Variants in ZNF10 observed in about 807,000 individuals in gnomAD.
The protein encoded by ZNF10 is zinc finger protein 10 (KOX 1).
ZNF10 carries 8 observed loss-of-function variants against 12.2 expected under a neutral mutation model. That is an observed-to-expected ratio of 0.66 (90% CI 0.39 to 1.18). The LOEUF (loss-of-function observed/expected upper bound fraction) is 1.18, where lower values mean the gene tolerates loss of function less well. Among genes scored for constraint, ZNF10 ranks in the 50% most tolerant of loss-of-function variants. The probability of loss-of-function intolerance (pLI) is 0.01; values close to 1 mark genes in which losing one functional copy is unlikely to be tolerated. For synonymous variants in ZNF10, 229 were observed against 228.2 expected, an observed-to-expected ratio of 1.00 and a Z score of -0.03; for missense variants, 603 against 678.9, an observed-to-expected ratio of 0.89 and a Z score of 1.24.
In ZNF10 at chr12:133,156,290, G is replaced by A; in HGVS notation, c.1044G>A (p.Leu348=). 1.2e-6 allele frequency: 2 copies of A among 1,614,040 alleles called. No homozygotes were observed. The highest frequency in any genetic ancestry group is 1.7e-6 in the Non-Finnish European group (2 of 1,179,986). Residue 348 remains leucine, a synonymous_variant, in exon 5 of 5, where the codon CTG becomes CTA. Transcript: ENST00000248211. ...AGAGAACTCATACAGGAGACAAACT[G>A]TACACATGTAATCAGTGTGGGAAAT... ...THQRTHTGDK[L]YTCNQCGKSF...
chr12:133,137,248 C>T (rs973021842), intron 1 of ZNF10, among the ~76,000 whole-genome samples: 1 of 152,130 alleles, frequency 6.6e-6, no homozygotes, highest in African/African-American at 2.4e-5. Flanking sequence ...ATTATATCTT[C>T]CTCTAGTCCA....
intron 1 of ZNF10, among the ~76,000 whole-genome samples, chr12:133,142,428 A>AAAAAAGG (rs780984486): frequency 6.7e-6 from 1 of 150,348 alleles, no homozygotes. Context: ...AAAAAAAAAA[A>AAAAAAGG]GTGGGAGAAA....
intron 1 of ZNF10, among the ~76,000 whole-genome samples, chr12:133,134,222 A>C (rs1223378831): frequency 6.6e-6 from 1 of 151,496 alleles, no homozygotes; most frequent in Non-Finnish European, 1.5e-5. Flanking sequence ...CTGTGGCAGG[A>C]GAATCACTTG....
intron 4 of ZNF10, among the ~76,000 whole-genome samples, chr12:133,154,424 G>C (rs1956027068): frequency 6.6e-6 from 1 of 152,150 alleles, no homozygotes; most frequent in Admixed American, 6.5e-5. Flanking sequence ...TCAAAAAAAT[G>C]AGAAGAATGA....
chr12:133,151,513 G>A (rs959506373), intron 3 of ZNF10, among the ~76,000 whole-genome samples: 4 of 152,032 alleles, frequency 2.6e-5, no homozygotes, highest in East Asian at 1.9e-4. Context: ...GCGTGGTGGC[G>A]TGCTCCTATA....
intron 1 of ZNF10, among the ~76,000 whole-genome samples, chr12:133,133,417 G>T (rs148037645): frequency 2.4e-4 from 36 of 152,316 alleles, no homozygotes; most frequent in African/African-American, 7.5e-4. Context: ...GAATGAATAT[G>T]AAGTGCTAAG....
Position 133,156,772 on chromosome 12 carries a change from G to A in ZNF10, c.1526G>A (p.Arg509Lys). 4 of 1,591,310 alleles carry A rather than the reference G, an allele frequency of 2.5e-6. No individual in the cohort carries two copies. The highest frequency in any genetic ancestry group is 3.4e-6 in the Non-Finnish European group (4 of 1,170,650). The change falls in exon 5 of 5, where the codon AGA becomes AAA. Residue 509 changes from arginine to lysine, a missense_variant. By Grantham distance (26) the Arg-to-Lys change is conservative (BLOSUM62 2). Transcript: ENST00000248211. The part of the protein sequence containing the change: ...IRKNDLIKHQ[R>K]IHVGEETYKC... ...AAGAATGACCTCATTAAGCACCAGAGAATTCATGTTGGAGAAGAGACCTAT... is the reference window on the plus strand; with the variant it reads ...AAGAATGACCTCATTAAGCACCAGAAAATTCATGTTGGAGAAGAGACCTAT...
At position 133,157,420 on chromosome 12, in the gene ZNF10, G is replaced by C. The variant is rs943756204; in HGVS notation, c.*452G>C. 10 of 152,664 alleles carry C rather than the reference G, an allele frequency of 6.6e-5. No homozygotes were observed. The highest frequency in any genetic ancestry group is 2.4e-4 in the African/African-American group (10 of 41,414). The allele number at this position is 152,664 out of a possible 1,614,324, so 9.5% of individuals were successfully genotyped here. ...TTTCTTGACTATGTCTCTCTTCTGG[G>C]ACATTTAGTAGTGTTTGGTATGTTT... On this transcript the variant is annotated 3_prime_UTR_variant, in exon 5 of 5. Coordinates refer to ENST00000248211, the MANE Select transcript of ZNF10 (RefSeq NM_015394.5).
At chr12:133,133,857 A>G (rs1248736292) in intron 1 of ZNF10, among the ~76,000 whole-genome samples, 1 of 152,210 alleles carries the variant, frequency 6.6e-6, no homozygotes, top group Non-Finnish European at 1.5e-5. Flanking sequence ...ATGGCTCCCC[A>G]GAGATATCCC....
rs1956034242 is a variant in ZNF10 at position 133,155,577 on chromosome 12, A to T, written c.331A>T (p.Ile111Phe). ...TTTTAAAGATAAGCAATCCTGTGACATTAAAATGGAAGGAATGGCAAGGAA... is the reference window on the plus strand; with the variant it reads ...TTTTAAAGATAAGCAATCCTGTGACTTTAAAATGGAAGGAATGGCAAGGAA... ...SIFKDKQSCD[I>F]KMEGMARNDL... Residue 111 changes from isoleucine to phenylalanine, a missense_variant, in exon 5 of 5, where the codon ATT (isoleucine) becomes TTT (phenylalanine). By Grantham distance (21) the Ile-to-Phe change is conservative. Around this residue, in one of 3 missense-constraint regions of ZNF10, gnomAD observed 393 missense variants for 399.7 expected, o/e 0.98. Coordinates refer to ENST00000248211, the MANE Select transcript of ZNF10 (RefSeq NM_015394.5). 6.2e-7 allele frequency: 1 copy of T among 1,612,922 alleles called. No homozygotes were observed. Among genetic ancestry groups the T allele is most frequent in the South Asian group, 1.1e-5 (1 of 90,624 alleles).
chr12:133,151,472 C>T (rs540552082), intron 3 of ZNF10, among the ~76,000 whole-genome samples: 2 of 152,020 alleles, frequency 1.3e-5, no homozygotes, highest in Admixed American at 6.6e-5. Context: ...GGTGAAACCC[C>T]GTCTCTACTA....
intron 4 of ZNF10, among the ~76,000 whole-genome samples, chr12:133,153,205 T>G (rs1360291376): frequency 6.6e-6 from 1 of 152,152 alleles, no homozygotes; most frequent in Non-Finnish European, 1.5e-5. Context: ...TCAGACTTCA[T>G]GGGCTTAAAG....
rs936357526 is a variant in ZNF10 at position 133,157,971 on chromosome 12, CAG to C, written c.*1006_*1007del. 4 of 152,182 alleles carry C rather than the reference CAG, an allele frequency of 2.6e-5. No individual in the cohort carries two copies. Among genetic ancestry groups the C allele is most frequent in the African/African-American group, 9.6e-5 (4 of 41,452 alleles). 9.4% of individuals were successfully genotyped at this position (152,182 alleles called of 1,614,324 possible). On this transcript the variant is annotated 3_prime_UTR_variant, in exon 5 of 5. Transcript: ENST00000248211. The stretch of plus-strand genomic sequence containing the variant: ...AGAGCAAGTGTCCTCATGTGATAAA[CAG>C]AGCACAGTCCAAAGATACCCTCTTT...
chr12:133,145,609 G>A (rs1455850248), intron 2 of ZNF10, among the ~76,000 whole-genome samples: 1 of 152,144 alleles, frequency 6.6e-6, no homozygotes, highest in Non-Finnish European at 1.5e-5. Context: ...AGGAGTTTGA[G>A]AACAGCACGG....
At chr12:133,155,429 T>G in intron 4 of ZNF10, 74 bp from the exon 5 acceptor site, 1 of 1,444,436 alleles carries the variant, frequency 6.9e-7, no homozygotes, top group South Asian at 1.4e-5. Context: ...TTGCATACTT[T>G]GTCTCCACAT....
chr12:133,144,412 T>TA (rs1326655154), intron 1 of ZNF10, 22 bp from the exon 2 acceptor site: 44 of 1,490,136 alleles, frequency 3.0e-5, no homozygotes, highest in Non-Finnish European at 3.9e-5. Flanking sequence ...AAACTTAACT[T>TA]ATGTTTCTTT....
chr12:133,156,112 G>T lies in ZNF10; in HGVS notation c.866G>T (p.Gly289Val). The change falls in exon 5 of 5, where the codon GGA (glycine) becomes GTA (valine). Residue 289 changes from glycine (G) to valine (V), a missense_variant. This residue lies in a region of ZNF10 where 393 missense variants were observed against 399.7 expected (regional missense o/e 0.98). Transcript: ENST00000248211. ...NLTRHQLIHTGEKPYECKECG... is the reference protein window; with the variant it reads ...NLTRHQLIHTVEKPYECKECG... ...ACTAGGCATCAGCTTATTCATACTG[G>T]AGAAAAACCCTATGAGTGTAAAGAA... The T allele has an allele frequency of 6.2e-7, 1 of 1,613,420 alleles. No individual in the cohort carries two copies. The highest frequency in any genetic ancestry group is 8.5e-7 in the Non-Finnish European group (1 of 1,180,016).
chr12:133,133,892 A>G (rs1353820466), intron 1 of ZNF10, among the ~76,000 whole-genome samples: 8 of 152,212 alleles, frequency 5.3e-5, no homozygotes, highest in Admixed American at 5.2e-4. Context: ...ATTTTACCTT[A>G]TACTGCAAAA....
chr12:133,147,265 G>T (rs1955981927), intron 2 of ZNF10, among the ~76,000 whole-genome samples: 1 of 152,148 alleles, frequency 6.6e-6, no homozygotes, highest in South Asian at 2.1e-4. Flanking sequence ...TCATACTCAG[G>T]TATTTAGCCA....
Sources: allele counts gnomAD v4.1 joint callset (sites outside exome capture counted in the v4.1 genomes callset), GRCh38; gene constraint gnomAD v4.1.1; regional missense constraint gnomAD v4.1.1; transcripts MANE v1.5; gene names NCBI Gene and HGNC (gene_info 2026-07-23, HGNC 2026-07-21).